The following ADGRD1 variants were observed in gnomAD, a reference collection of about 807,000 sequenced individuals.
ADGRD1 encodes adhesion G protein-coupled receptor D1.
Under a neutral mutation model 113.4 loss-of-function variants are expected in ADGRD1, and 77 were observed. That is an observed-to-expected ratio of 0.68 (90% CI 0.57 to 0.82). The LOEUF (loss-of-function observed/expected upper bound fraction) is 0.82. Ranked by LOEUF, ADGRD1 falls within the 40% of genes least tolerant of loss-of-function variation. ADGRD1 has a pLI of 0.00. For missense variants in ADGRD1, 1,036 were observed against 1,139.1 expected (o/e 0.91, Z 1.30); for synonymous variants, 474 against 475.0 (o/e 1.00, Z 0.03).
chr12:131,116,310 G>A (rs1950462248), intron 18 of ADGRD1, among the ~76,000 whole-genome samples: 1 of 152,220 alleles, frequency 6.6e-6, no homozygotes, highest in African/African-American at 2.4e-5. Flanking sequence ...CCCCAACTGT[G>A]CGCCTCTTCC....
chr12:130,981,619 A>G (rs181065192), intron 4 of ADGRD1, among the ~76,000 whole-genome samples: 3 of 152,276 alleles, frequency 2.0e-5, no homozygotes, highest in South Asian at 2.1e-4. Flanking sequence ...CTTCATCTGT[A>G]TAGTGGGGAT....
At chr12:131,018,787 A>G (rs1225111406) in intron 13 of ADGRD1, among the ~76,000 whole-genome samples, 1 of 152,210 alleles carries the variant, frequency 6.6e-6, no homozygotes, top group Non-Finnish European at 1.5e-5. Flanking sequence ...CTTCTTTCTC[A>G]AAGCACAGCC....
intron 15 of ADGRD1, among the ~76,000 whole-genome samples, chr12:131,104,412 C>T (rs1397298823): frequency 1.3e-5 from 2 of 152,204 alleles, no homozygotes; most frequent in African/African-American, 4.8e-5. Flanking sequence ...TTTCATTTCA[C>T]AGCCGAGTGT....
At chr12:131,108,940 G>A (rs2137351178) in intron 18 of ADGRD1, 63 bp downstream of exon 18, 1 of 1,003,390 alleles carries the variant, frequency 1.0e-6, no homozygotes, top group African/African-American at 1.6e-5. Context: ...AGGTGGGGAT[G>A]GGGCAGGTAG....
chr12:131,096,514 G>T lies in ADGRD1; in HGVS notation c.1672-8317G>T, dbSNP rs375221336. ...GTGTTAACCACTGCATAGCTCTCCC[G>T]CGGGTGGACACTGAAGTCATGGTGG... is the stretch of plus-strand genomic sequence containing the variant. On this transcript the variant is annotated intron_variant, in intron 15 of 24. Transcript: ENST00000261654. The surrounding 1 kb of genome is among the most constrained non-coding windows in gnomAD (Gnocchi z 5.2). Among the ~76,000 whole-genome samples, 1 of 152,178 alleles carries T rather than the reference G, an allele frequency of 6.6e-6. No homozygotes were observed. Among genetic ancestry groups the T allele is most frequent in the Non-Finnish European group, 1.5e-5 (1 of 68,030 alleles).
At chr12:131,072,130 G>C in intron 13 of ADGRD1, among the ~76,000 whole-genome samples, 1 of 151,334 alleles carries the variant, frequency 6.6e-6, no homozygotes, top group Non-Finnish European at 1.5e-5. Flanking sequence ...TCTCCGGCTT[G>C]CAGGCTGGCA....
In ADGRD1 at chr12:131,078,367, G is replaced by A. The variant is rs185333474; in HGVS notation, c.1547+1493G>A. ...TGGCCGTCGGCGTCTGGCTATGACCGTTGGCGTCATGCCTCTGCAATGTGG... is the reference window on the plus strand; with the variant it reads ...TGGCCGTCGGCGTCTGGCTATGACCATTGGCGTCATGCCTCTGCAATGTGG... On this transcript the variant is annotated intron_variant, in intron 14 of 24. Coordinates refer to ENST00000261654, the MANE Select transcript of ADGRD1 (RefSeq NM_198827.5). Among the ~76,000 whole-genome samples, 237 of 152,318 alleles carry A rather than the reference G, an allele frequency of 1.6e-3. 3 individuals are homozygous for A. Among genetic ancestry groups the A allele is most frequent in the African/African-American group, 5.6e-3 (231 of 41,560 alleles).
intron 13 of ADGRD1, among the ~76,000 whole-genome samples, chr12:131,048,587 G>A (rs1241208487): frequency 6.6e-6 from 1 of 152,170 alleles, no homozygotes; most frequent in Non-Finnish European, 1.5e-5. Flanking sequence ...CGGGGCGGAC[G>A]GCCCAGCCAG....
At chr12:131,079,947 CTT>C (rs1392837283) in intron 14 of ADGRD1, among the ~76,000 whole-genome samples, 3 of 152,144 alleles carry the variant, frequency 2.0e-5, no homozygotes, top group African/African-American at 4.8e-5. Context: ...ATTTTTCTCT[CTT>C]GTGTTTCTGT....
rs1308384113 is a variant in ADGRD1, at chr12:131,041,991, G to A, written c.1473+27651G>A. 3.3e-5 allele frequency among the ~76,000 whole-genome samples: 5 copies of A among 152,140 alleles called. No individual in the cohort carries two copies. The highest frequency in any genetic ancestry group is 1.2e-4 in the African/African-American group (5 of 41,434). On this transcript the variant is annotated intron_variant, in intron 13 of 24. Transcript: ENST00000261654. This position sits in a 1 kb window ranked among gnomAD's most constrained non-coding sequence, Gnocchi z 4.4. Reference sequence around the variant, plus strand: ...TCCTTCGCAGTCGGGTTTGTTATCCGAGTCCCCGAGGAGAAGGCACCATGT... The same window carrying A: ...TCCTTCGCAGTCGGGTTTGTTATCCAAGTCCCCGAGGAGAAGGCACCATGT...
chr12:131,022,652 T>A lies in ADGRD1; in HGVS notation c.1473+8312T>A, dbSNP rs1024059288. On this transcript the variant is annotated intron_variant, in intron 13 of 24. Coordinates refer to ENST00000261654, the MANE Select transcript of ADGRD1 (RefSeq NM_198827.5). This position sits in a 1 kb window ranked among gnomAD's most constrained non-coding sequence, Gnocchi z 4.6. ...GTTGGTTTCTGCCTCCTTTGATGCC[T>A]CCCTCATTTTCTGAGTCCCTCCTTA... is the stretch of plus-strand genomic sequence containing the variant. 6 of 152,172 alleles carry A rather than the reference T, an allele frequency of 3.9e-5. No homozygotes were observed. Among genetic ancestry groups the A allele is most frequent in the African/African-American group, 1.4e-4 (6 of 41,440 alleles). The allele number at this position is 152,172 out of a possible 1,614,324, so 9.4% of individuals were successfully genotyped here.
At chr12:131,055,411 C>T (rs1883775284) in intron 13 of ADGRD1, among the ~76,000 whole-genome samples, 1 of 152,208 alleles carries the variant, frequency 6.6e-6, no homozygotes, top group African/African-American at 2.4e-5. Context: ...GGGATGGGCT[C>T]ATGTACATAT....
chr12:131,073,817 A>G (rs1151350), intron 13 of ADGRD1, among the ~76,000 whole-genome samples: 10,111 of 152,234 alleles, frequency 0.066, 381 homozygotes, highest in Non-Finnish European at 0.078. Flanking sequence ...TTTTGTATCA[A>G]CCTAATTTCA....
At chr12:130,981,539 C>T (rs1206623995) in intron 4 of ADGRD1, among the ~76,000 whole-genome samples, 2 of 151,404 alleles carry the variant, frequency 1.3e-5, no homozygotes, top group East Asian at 1.9e-4. Context: ...GGAGTGGGGG[C>T]GGGGAACTGC....
intron 4 of ADGRD1, among the ~76,000 whole-genome samples, chr12:130,976,472 A>G (rs1251580304): frequency 6.6e-6 from 1 of 152,172 alleles, no homozygotes. Flanking sequence ...TCTGAGTCTC[A>G]GTGGACAAGG....
intron 13 of ADGRD1, 75 bp from the exon 14 acceptor site, chr12:131,076,726 G>A (rs886879794): frequency 9.5e-6 from 12 of 1,269,312 alleles, no homozygotes; most frequent in African/African-American, 7.3e-5. Flanking sequence ...TAAGGGTCTC[G>A]CTCTCACATC....
Position 130,975,859 on chromosome 12 carries a change from G to T in ADGRD1, c.310+4279G>T, listed in dbSNP as rs1212441089. 3.3e-5 allele frequency among the ~76,000 whole-genome samples: 5 copies of T among 152,176 alleles called. No individual in the cohort carries two copies. In the South Asian group the frequency reaches 1.0e-3, roughly 31 times the overall value. ...CCGTCTCGAGTAACTTCGGCCCATT[G>T]CTTCTAGTTCCAGCTCTCCTGTGAA... On this transcript the variant is annotated intron_variant, in intron 4 of 24. Transcript: ENST00000261654.
Position 131,003,149 on chromosome 12 carries a change from G to A in ADGRD1, c.1027-36G>A. The A allele has an allele frequency of 6.6e-7, 1 of 1,525,724 alleles. No homozygotes were observed. Among genetic ancestry groups the A allele is most frequent in the Non-Finnish European group, 9.1e-7 (1 of 1,099,690 alleles). The allele number at this position is 1,525,724 out of a possible 1,614,324, so 94.5% of individuals were successfully genotyped here. A position where few individuals can be genotyped will look rare whatever the true frequency, so the allele number is the denominator to read the frequency against. On this transcript the variant is annotated intron_variant, in intron 9 of 24. Transcript: ENST00000261654. The surrounding 1 kb of genome is among the most constrained non-coding windows in gnomAD (Gnocchi z 4.8). ...GCCTGGTGCCCTGGCTGAGTGGGGTGGATTTTCATGGCTCCTGGTGCTTGT... is the reference window on the plus strand; with the variant it reads ...GCCTGGTGCCCTGGCTGAGTGGGGTAGATTTTCATGGCTCCTGGTGCTTGT...
At chr12:131,090,987 TCTC>T (rs1886869378) in intron 15 of ADGRD1, among the ~76,000 whole-genome samples, 1 of 152,040 alleles carries the variant, frequency 6.6e-6, no homozygotes, top group African/African-American at 2.4e-5. Flanking sequence ...GCTTCTAACT[TCTC>T]CTGCTGAGTG....
Sources: allele counts gnomAD v4.1 joint callset (sites outside exome capture counted in the v4.1 genomes callset), GRCh38; gene constraint gnomAD v4.1.1; non-coding constraint Gnocchi (gnomAD v3.1); transcripts MANE v1.5; gene names NCBI Gene and HGNC (gene_info 2026-07-23, HGNC 2026-07-21).